Variants in PCDHA1 observed in about 807,000 individuals in gnomAD.
The protein encoded by PCDHA1 is protocadherin alpha-1.
In PCDHA1, 42 loss-of-function variants were observed where a neutral mutation model predicts 61.3. The ratio of observed to expected loss-of-function variants is 0.69; its 90% CI spans 0.54 to 0.89. The LOEUF (loss-of-function observed/expected upper bound fraction) is 0.89, where lower values mean the gene tolerates loss of function less well. Among genes scored for constraint, PCDHA1 ranks in the 40% least tolerant of loss-of-function variants. The pLI is 0.00. For missense variants in PCDHA1, 1,256 were observed against 1,235.3 expected (o/e 1.02, Z -0.25); for synonymous variants, 610 against 553.8 (o/e 1.10, Z -1.43).
intron 1 of PCDHA1, among the ~76,000 whole-genome samples, chr5:140,974,549 T>C (rs373257165): frequency 6.6e-6 from 1 of 152,216 alleles, no homozygotes; most frequent in African/African-American, 2.4e-5. Context: ...TTTGCTCTTG[T>C]TGCCCAGGCT....
chr5:140,827,902 C>T (rs1433520084), intron 1 of PCDHA1: 1 of 769,834 alleles, frequency 1.3e-6, no homozygotes, highest in East Asian at 2.5e-5. Context: ...CCTTTTGGAG[C>T]CGCATGATGT....
At chr5:140,925,854 G>C (rs1333353083) in intron 1 of PCDHA1, among the ~76,000 whole-genome samples, 1 of 152,014 alleles carries the variant, frequency 6.6e-6, no homozygotes, top group African/African-American at 2.4e-5. Flanking sequence ...TGAGTTTCTA[G>C]TTATTGCTAT....
intron 1 of PCDHA1, among the ~76,000 whole-genome samples, chr5:140,919,522 C>CT (rs1554199133): frequency 6.6e-6 from 1 of 152,000 alleles, no homozygotes; most frequent in African/African-American, 2.4e-5. Context: ...TTTTAATTCT[C>CT]TTTTTTTCCT....
At chr5:140,988,634 T>G (rs1405160822) in intron 3 of PCDHA1, among the ~76,000 whole-genome samples, 1 of 152,218 alleles carries the variant, frequency 6.6e-6, no homozygotes, top group Non-Finnish European at 1.5e-5. Flanking sequence ...GTCCTGGTTT[T>G]CTGAAATTAA....
intron 1 of PCDHA1, chr5:140,836,284 C>T (rs2150256843): frequency 6.2e-7 from 1 of 1,613,808 alleles, no homozygotes; most frequent in South Asian, 1.1e-5. Context: ...ATCAGCACGA[C>T]ACGAGCCCTA....
At chr5:140,875,922 T>A (rs1554168077) in intron 1 of PCDHA1, 1 of 1,614,200 alleles carries the variant, frequency 6.2e-7, no homozygotes, top group Admixed American at 1.7e-5. Flanking sequence ...CTCTGGACTC[T>A]CATTTTCCTC....
rs782661102 is a variant in PCDHA1, at chr5:140,786,846, G to A, written c.556G>A (p.Asp186Asn). ...DYFSLDVEASDELSKSLWLEL... is the reference protein window; with the variant it reads ...DYFSLDVEASNELSKSLWLEL... ...TTTCTCTTTGGATGTAGAGGCAAGT[G>A]ATGAACTGAGTAAATCTCTTTGGCT... Residue 186 changes from aspartate to asparagine, a missense_variant, in exon 1 of 4, where the codon GAT (aspartate) becomes AAT (asparagine). Transcript: ENST00000504120. The A allele has an allele frequency of 6.2e-7, 1 of 1,614,198 alleles. No homozygotes were observed. The highest frequency in any genetic ancestry group is 1.1e-5 in the South Asian group (1 of 91,088).
At chr5:140,805,883 AG>A (rs1763645566) in intron 1 of PCDHA1, among the ~76,000 whole-genome samples, 1 of 152,220 alleles carries the variant, frequency 6.6e-6, no homozygotes, top group African/African-American at 2.4e-5. Context: ...AGGCAATGGA[AG>A]GAAGCAAACA....
chr5:140,834,589 A>G (rs2150222134), intron 1 of PCDHA1: 2 of 1,614,090 alleles, frequency 1.2e-6, no homozygotes, highest in South Asian at 1.1e-5. Flanking sequence ...GCGGTGTGCA[A>G]ATTCCGTGGG....
At chr5:140,975,330 A>G (rs563974651) in intron 1 of PCDHA1, among the ~76,000 whole-genome samples, 1 of 152,320 alleles carries the variant, frequency 6.6e-6, no homozygotes, top group African/African-American at 2.4e-5. Flanking sequence ...CATCCAGATG[A>G]TCTCCCTTTC....
In PCDHA1 at chr5:140,882,301, G is replaced by A. The variant is rs145574763; in HGVS notation, c.2394+93617G>A. 188 of 1,613,800 alleles carry A rather than the reference G, an allele frequency of 1.2e-4. No homozygotes were observed. In the African/African-American group the frequency reaches 2.1e-3, roughly 18 times the overall value. Reference sequence around the variant, plus strand: ...CTTCCTGGCAAGGAGGCCCAAGACCGCGGCAACTACTGCTCTGGCTTCTGA... The same window carrying A: ...CTTCCTGGCAAGGAGGCCCAAGACCACGGCAACTACTGCTCTGGCTTCTGA... On this transcript the variant is annotated intron_variant, in intron 1 of 3. Coordinates refer to ENST00000504120, the MANE Select transcript of PCDHA1 (RefSeq NM_018900.4).
intron 1 of PCDHA1, chr5:140,824,610 G>T (rs1426239014): frequency 1.9e-3 from 177 of 95,052 alleles, no homozygotes; most frequent in South Asian, 7.2e-3. Flanking sequence ...GCTAATTAAA[G>T]TTTTTTTTTT....
intron 1 of PCDHA1, chr5:140,816,532 T>TGG (rs1399685020): frequency 3.3e-5 from 5 of 151,642 alleles, no homozygotes; most frequent in South Asian, 2.1e-4. Flanking sequence ...TGTGTGTGTG[T>TGG]GGGCACGCAC....
At position 140,809,061 on chromosome 5, in the gene PCDHA1, G is replaced by T. The variant is rs1554124972; in HGVS notation, c.2394+20377G>T. 3 of 1,613,928 alleles carry T rather than the reference G, an allele frequency of 1.9e-6. No homozygotes were observed. In the Admixed American group the frequency reaches 5.0e-5, roughly 27 times the overall value. On this transcript the variant is annotated intron_variant, in intron 1 of 3. Coordinates refer to ENST00000504120, the MANE Select transcript of PCDHA1 (RefSeq NM_018900.4). The stretch of plus-strand genomic sequence containing the variant: ...GGCGCGCGCATCCCGTTCCGCGTGG[G>T]GCTGTACACTGGCGAGATCAGCACA...
At chr5:140,828,833 G>A (rs2150159490) in intron 1 of PCDHA1, 2 of 1,614,186 alleles carry the variant, frequency 1.2e-6, no homozygotes, top group Non-Finnish European at 8.5e-7. Context: ...GTCTGAATAC[G>A]AAGTAAGAAT....
chr5:140,927,960 C>G, intron 1 of PCDHA1: 2 of 1,614,196 alleles, frequency 1.2e-6, no homozygotes, highest in Non-Finnish European at 1.7e-6. Flanking sequence ...CTGCCCCTGG[C>G]ACAGTGATTG....
intron 1 of PCDHA1, among the ~76,000 whole-genome samples, chr5:140,952,839 T>G (rs1270756530): frequency 6.6e-6 from 1 of 152,210 alleles, no homozygotes; most frequent in Non-Finnish European, 1.5e-5. Context: ...GCTGGCCATC[T>G]GCTTGTCTTC....
intron 1 of PCDHA1, among the ~76,000 whole-genome samples, chr5:140,923,142 TA>T (rs1262526439): frequency 5.3e-5 from 8 of 152,122 alleles, no homozygotes; most frequent in East Asian, 3.9e-4. Context: ...AGGTGGAATA[TA>T]AAAAAAATTA....
intron 1 of PCDHA1, chr5:140,858,416 G>A (rs1301119075): frequency 6.4e-7 from 1 of 1,560,804 alleles, no homozygotes; most frequent in African/African-American, 1.4e-5. Context: ...TCAGTCTATT[G>A]GAGGGGACCA....
Sources: allele counts gnomAD v4.1 joint callset (sites outside exome capture counted in the v4.1 genomes callset), GRCh38; gene constraint gnomAD v4.1.1; transcripts MANE v1.5; gene names NCBI Gene and HGNC (gene_info 2026-07-23, HGNC 2026-07-21).